The following ABR variants were observed in gnomAD, a reference collection of about 807,000 sequenced individuals.
ABR encodes ABR activator of RhoGEF and GTPase, also known as active breakpoint cluster region-related protein.
In ABR, 35 loss-of-function variants were observed where a neutral mutation model predicts 107.2. The observed-to-expected ratio is 0.33, with a 90% CI of 0.25 to 0.43. ABR has a LOEUF of 0.43. Among genes scored for constraint, ABR ranks in the 20% least tolerant of loss-of-function variants. The probability of loss-of-function intolerance (pLI) is 1.00; values close to 1 mark genes in which losing one functional copy is unlikely to be tolerated. For missense variants in ABR, 815 were observed against 1,115.2 expected, an observed-to-expected ratio of 0.73 and a Z score of 3.83; for synonymous variants, 498 against 462.0, an observed-to-expected ratio of 1.08 and a Z score of -1.00.
At chr17:1,122,264 G>C (rs947191666) in intron 2 of ABR, among the ~76,000 whole-genome samples, 1 of 152,204 alleles carries the variant, frequency 6.6e-6, no homozygotes, top group Non-Finnish European at 1.5e-5. Context: ...GTGGCTGAAG[G>C]AATAATAGTA....
intron 10 of ABR, among the ~76,000 whole-genome samples, chr17:1,062,451 T>C (rs2034102909): frequency 7.2e-6 from 1 of 138,802 alleles, no homozygotes; most frequent in East Asian, 2.1e-4. Flanking sequence ...CTAGCACTGC[T>C]GTTACGTGAA....
At position 1,028,151 on chromosome 17, in the gene ABR, C is replaced by T. The variant is rs538329386; in HGVS notation, c.1792-14987G>A. On this transcript the variant is annotated intron_variant, in intron 16 of 22. Coordinates refer to ENST00000302538, the MANE Select transcript of ABR (RefSeq NM_021962.5). ...TGTTGCCCAGGCTGGAGTGCAGTGG[C>T]ATGATCTCGGCTCACTGCAACCTCC... Among the ~76,000 whole-genome samples, 43 of 152,200 alleles carry T rather than the reference C, an allele frequency of 2.8e-4. No homozygotes were observed. In the Middle Eastern group the frequency reaches 0.01, roughly 36 times the overall value.
At chr17:1,109,323 GC>G (rs1465687868) in intron 2 of ABR, among the ~76,000 whole-genome samples, 1 of 151,812 alleles carries the variant, frequency 6.6e-6, no homozygotes, top group African/African-American at 2.4e-5. Flanking sequence ...CCGGCCCGTG[GC>G]GGAGGCGAAC....
intron 6 of ABR, 138 bp from the exon 7 acceptor site, chr17:1,073,815 C>G (rs2035457305): frequency 2.9e-6 from 2 of 680,430 alleles, no homozygotes; most frequent in Non-Finnish European, 4.8e-6. Context: ...GAGCCCACGG[C>G]AGCCCCCACC....
rs184609155 is a variant in ABR, at chr17:1,057,924, A to G, written c.1381+46T>C. 3 of 1,547,990 alleles carry G rather than the reference A, an allele frequency of 1.9e-6. No individual in the cohort carries two copies. The African/African-American group carries it at 4.1e-5, about 21-fold the overall frequency. On this transcript the variant is annotated intron_variant, in intron 12 of 22. Transcript: ENST00000302538. The stretch of plus-strand genomic sequence containing the variant: ...CGCTTAGAAATACAAAAGGCCCATC[A>G]ATGCCACGGACATCATTGGGGAGCG...
rs573157249 is a variant in ABR, at chr17:1,034,145, A to G, written c.1791+15905T>C. ...ACCACCACGCCCGGCTAATTTTTGT[A>G]TTTTTCGCAGAGACGAGGTTTCACC... On this transcript the variant is annotated intron_variant, in intron 16 of 22. Transcript: ENST00000302538. Among the ~76,000 whole-genome samples, 4 of 151,240 alleles carry G rather than the reference A, an allele frequency of 2.6e-5. No individual in the cohort carries two copies. In the East Asian group the frequency reaches 7.8e-4, roughly 29 times the overall value.
intron 2 of ABR, among the ~76,000 whole-genome samples, chr17:1,110,176 T>C (rs2038585794): frequency 6.6e-6 from 1 of 151,650 alleles, no homozygotes; most frequent in Admixed American, 6.6e-5. Flanking sequence ...GCTTCTCCAA[T>C]GGTTGCAGAA....
intron 2 of ABR, among the ~76,000 whole-genome samples, chr17:1,108,217 G>C (rs2038390188): frequency 2.0e-5 from 3 of 152,260 alleles, no homozygotes; most frequent in Admixed American, 2.0e-4. Flanking sequence ...GACCGCTGTG[G>C]TGTGCCGGGC....
chr17:1,182,770 A>T (rs72816206), upstream of ABR, among the ~76,000 whole-genome samples: 1,775 of 152,294 alleles, frequency 0.012, 13 homozygotes, highest in Non-Finnish European at 0.017. Context: ...ATGGGGTTAG[A>T]GACCACCCTC....
intron 1 of ABR, among the ~76,000 whole-genome samples, chr17:1,164,048 T>TA (rs879186629): frequency 2.6e-4 from 2 of 7,794 alleles, no homozygotes; most frequent in African/African-American, 8.1e-4. Flanking sequence ...AGCATCTAGG[T>TA]GGGACCCTGG....
chr17:1,093,964 G>A (rs775209594), intron 3 of ABR, among the ~76,000 whole-genome samples: 2 of 152,104 alleles, frequency 1.3e-5, no homozygotes, highest in African/African-American at 4.8e-5. Flanking sequence ...GACCCTCGCC[G>A]CGCTAGAAAC....
intron 16 of ABR, among the ~76,000 whole-genome samples, chr17:1,013,655 G>T (rs550676294): frequency 9.2e-5 from 14 of 152,374 alleles, no homozygotes; most frequent in Admixed American, 8.5e-4. Flanking sequence ...ACAGGAGGCT[G>T]CCTGGGTTTG....
At chr17:1,064,545 TGTG>T (rs2034468955) in intron 10 of ABR, among the ~76,000 whole-genome samples, 4 of 111,142 alleles carry the variant, frequency 3.6e-5, no homozygotes, top group South Asian at 3.6e-4. Context: ...ACTGTTGTTA[TGTG>T]AACTGAGGGC....
intron 16 of ABR, among the ~76,000 whole-genome samples, chr17:1,043,719 C>T (rs1435818522): frequency 6.6e-6 from 1 of 152,214 alleles, no homozygotes; most frequent in Non-Finnish European, 1.5e-5. Flanking sequence ...GTGGCTCACA[C>T]TCCCTTCCTG....
chr17:1,190,838 C>T (rs1423162302), upstream of ABR, among the ~76,000 whole-genome samples: 1 of 152,228 alleles, frequency 6.6e-6, no homozygotes, highest in Non-Finnish European at 1.5e-5. Flanking sequence ...AGCTGTGAGT[C>T]ACCAGCTCCC....
chr17:1,103,945 T>C (rs1216304732), intron 2 of ABR, among the ~76,000 whole-genome samples: 1 of 152,164 alleles, frequency 6.6e-6, no homozygotes, highest in Non-Finnish European at 1.5e-5. Context: ...ACATTGTTTC[T>C]TCAGTCTTTG....
intron 16 of ABR, among the ~76,000 whole-genome samples, chr17:1,024,306 G>A (rs553328569): frequency 1.3e-5 from 2 of 152,192 alleles, no homozygotes; most frequent in Non-Finnish European, 2.9e-5. Flanking sequence ...TGACGGGCAG[G>A]AGCCCGGCGT....
chr17:1,019,940 G>C (rs976349156), intron 16 of ABR, among the ~76,000 whole-genome samples: 6 of 152,208 alleles, frequency 3.9e-5, no homozygotes, highest in Admixed American at 2.6e-4. Context: ...AGGGGCACAC[G>C]AGCACTGGGG....
chr17:1,165,367 G>A (rs1245280774), intron 1 of ABR, among the ~76,000 whole-genome samples: 2 of 152,240 alleles, frequency 1.3e-5, no homozygotes, highest in Non-Finnish European at 2.9e-5. Context: ...GGAGGTGCAA[G>A]AGAGGGCTGC....
Sources: gnomAD v4.1 joint callset for allele counts (sites outside exome capture counted in the v4.1 genomes callset) on GRCh38, gnomAD v4.1.1 for gene constraint, MANE v1.5 for transcripts, NCBI Gene and HGNC (gene_info 2026-07-23, HGNC 2026-07-21) for gene names.